Variants in NOS1 observed in about 807,000 individuals in gnomAD.
The protein encoded by NOS1 is NOS type I.
A neutral mutation model predicts 164.5 loss-of-function variants in NOS1; 51 were observed. The observed-to-expected ratio is 0.31, with a 90% confidence interval of 0.25 to 0.39. The LOEUF (loss-of-function observed/expected upper bound fraction) is 0.39. Ranked by LOEUF, NOS1 falls within the 10% of genes least tolerant of loss-of-function variation. The probability of loss-of-function intolerance (pLI) is 1.00; values close to 1 mark genes in which losing one functional copy is unlikely to be tolerated. For synonymous variants in NOS1, 719 were observed against 745.8 expected (o/e 0.96, Z 0.59); for missense variants, 1,362 against 1,885.6 (o/e 0.72, Z 5.14).
chr12:117,348,613 C>T (rs189366325), intron 1 of NOS1, among the ~76,000 whole-genome samples: 37 of 152,306 alleles, frequency 2.4e-4, no homozygotes, highest in African/African-American at 7.5e-4. Flanking sequence ...CTAATATCCA[C>T]GAAATCGTCG....
At chr12:117,348,753 A>G (rs1876478481) in intron 1 of NOS1, among the ~76,000 whole-genome samples, 1 of 152,222 alleles carries the variant, frequency 6.6e-6, no homozygotes, top group Non-Finnish European at 1.5e-5. Context: ...GTGGCACTGT[A>G]ACTGACCAGT....
At position 117,218,239 on chromosome 12, in the gene NOS1, A is replaced by G. The variant is rs564326581; in HGVS notation, c.4171-75T>C. 3.3e-5 allele frequency: 35 copies of G among 1,051,308 alleles called. No homozygotes were observed. In the African/African-American group the frequency reaches 4.8e-4, roughly 15 times the overall value. 65.1% of individuals were successfully genotyped at this position (1,051,308 alleles called of 1,614,324 possible). A position where few individuals can be genotyped will look rare whatever the true frequency, so the allele number is the denominator to read the frequency against. ...CTTGGAGCAGGGGCAGACTTGCCTG[A>G]CACCTGGAATGGAATATCCCTAAGG... On this transcript the variant is annotated intron_variant, in intron 27 of 28. Coordinates refer to ENST00000317775, the MANE Select transcript of NOS1 (RefSeq NM_000620.5).
rs200856589 is a variant in NOS1 at position 117,210,940 on chromosome 12, G to GTTTTA, written c.*4364_*4368dup. 14,562 of 976,878 alleles carry GTTTTA rather than the reference G, an allele frequency of 0.015. 492 individuals are homozygous for GTTTTA. The highest frequency in any genetic ancestry group is 0.12 in the African/African-American group (6,537 of 56,312). The allele number at this position is 976,878 out of a possible 1,614,324, so 60.5% of individuals were successfully genotyped here. A position where few individuals can be genotyped will look rare whatever the true frequency, so the allele number is the denominator to read the frequency against. On this transcript the variant is annotated 3_prime_UTR_variant, in exon 29 of 29. Transcript: ENST00000317775. ...CCTCTCTCTCAGCTAGGGGCAAGATGTTTTATTTTATTTTATTTTATTTTA... is the reference window on the plus strand; with the variant it reads ...CCTCTCTCTCAGCTAGGGGCAAGATGTTTTATTTTATTTTATTTTATTTTATTTTA...
chr12:117,329,332 C>A (rs1488379952), intron 2 of NOS1, among the ~76,000 whole-genome samples: 1 of 151,986 alleles, frequency 6.6e-6, no homozygotes, highest in Non-Finnish European at 1.5e-5. Context: ...TAACCCAGGC[C>A]CCCAGATTGT....
chr12:117,285,116 C>T, intron 7 of NOS1, 125 bp downstream of exon 7: 1 of 402,088 alleles, frequency 2.5e-6, no homozygotes, highest in Non-Finnish European at 4.5e-6. Context: ...ACACCTCTCC[C>T]AGCTTGGCCC....
chr12:117,321,362 A>G (rs1234169453), intron 2 of NOS1, among the ~76,000 whole-genome samples: 2 of 152,166 alleles, frequency 1.3e-5, no homozygotes, highest in Non-Finnish European at 2.9e-5. Flanking sequence ...GCAGAGGTTC[A>G]CCATGGAATT....
At position 117,215,275 on chromosome 12, in the gene NOS1, C is replaced by T; in HGVS notation, c.*34G>A. 6.5e-7 allele frequency: 1 copy of T among 1,542,524 alleles called. No homozygotes were observed. The highest frequency in any genetic ancestry group is 8.7e-7 in the Non-Finnish European group (1 of 1,143,690). ...GTTCAGCAGTGTCTGTCCGCGCTTACAAAACTTGCAGCCGGCTGGGCAAGA... is the reference window on the plus strand; with the variant it reads ...GTTCAGCAGTGTCTGTCCGCGCTTATAAAACTTGCAGCCGGCTGGGCAAGA... On this transcript the variant is annotated 3_prime_UTR_variant, in exon 29 of 29. Coordinates refer to ENST00000317775, the MANE Select transcript of NOS1 (RefSeq NM_000620.5).
At chr12:117,298,379 C>T (rs970877841) in intron 3 of NOS1, among the ~76,000 whole-genome samples, 1 of 152,146 alleles carries the variant, frequency 6.6e-6, no homozygotes, top group African/African-American at 2.4e-5. Flanking sequence ...TGAAGCTTCA[C>T]TTGCTCGCCT....
intron 13 of NOS1, 94 bp downstream of exon 13, chr12:117,263,795 G>C: frequency 1.1e-6 from 1 of 898,586 alleles, no homozygotes; most frequent in Non-Finnish European, 1.8e-6. Context: ...TCTGTAGAGA[G>C]GTCAGAGGGC....
At chr12:117,232,923 A>T (rs144300530) in intron 21 of NOS1, among the ~76,000 whole-genome samples, 1 of 151,758 alleles carries the variant, frequency 6.6e-6, no homozygotes, top group Non-Finnish European at 1.5e-5. Flanking sequence ...AGGCGAGTGC[A>T]GTGGTGCGAT....
intron 10 of NOS1, among the ~76,000 whole-genome samples, chr12:117,268,960 G>C (rs1263639627): frequency 6.6e-6 from 1 of 152,154 alleles, no homozygotes; most frequent in East Asian, 1.9e-4. Flanking sequence ...AATTTAAAAA[G>C]TTAAAATTTT....
intron 9 of NOS1, 98 bp downstream of exon 9, chr12:117,277,861 T>C: frequency 7.2e-7 from 1 of 1,392,530 alleles, no homozygotes; most frequent in Non-Finnish European, 9.8e-7. Flanking sequence ...TCAGCTTCGG[T>C]CTGGACTAGA....
chr12:117,270,493 T>C (rs76543883), intron 10 of NOS1, among the ~76,000 whole-genome samples: 5,864 of 152,002 alleles, frequency 0.039, 340 homozygotes, highest in East Asian at 0.17. Flanking sequence ...AGTAAGAAAT[T>C]TGATGCTGCT....
At position 117,226,773 on chromosome 12, in the gene NOS1, A is replaced by G. The variant is rs1868713982; in HGVS notation, c.3617-3T>C. ...GTGGTGAATTGGTCCTTCTCCATCT[A>G]GTAGAATAACCAAGGCAGTCAGGGC... On this transcript the variant is annotated splice_region_variant and splice_polypyrimidine_tract_variant and intron_variant, in intron 23 of 28. Transcript: ENST00000317775. The G allele has an allele frequency of 6.2e-7, 1 of 1,612,956 alleles. No individual in the cohort carries two copies. The highest frequency in any genetic ancestry group is 8.5e-7 in the Non-Finnish European group (1 of 1,179,172).
intron 13 of NOS1, among the ~76,000 whole-genome samples, chr12:117,263,472 G>C (rs1219900800): frequency 6.6e-6 from 1 of 151,730 alleles, no homozygotes; most frequent in South Asian, 2.1e-4. Flanking sequence ...CCAGCCTGGG[G>C]AACAGACCCT....
intron 22 of NOS1, 45 bp downstream of exon 22, chr12:117,231,916 GA>G (rs774972609): frequency 6.4e-7 from 1 of 1,565,132 alleles, no homozygotes; most frequent in Non-Finnish European, 8.7e-7. Flanking sequence ...TAATGACGAG[GA>G]GGTGAAATGC....
At chr12:117,316,498 C>A (rs1010978600) in intron 2 of NOS1, among the ~76,000 whole-genome samples, 8 of 152,194 alleles carry the variant, frequency 5.3e-5, no homozygotes, top group Non-Finnish European at 1.0e-4. Context: ...GCCTTGACGG[C>A]CCACTTCATG....
chr12:117,229,024 A>G (rs559156458), intron 22 of NOS1, among the ~76,000 whole-genome samples: 24 of 152,122 alleles, frequency 1.6e-4, no homozygotes, highest in African/African-American at 5.3e-4. Context: ...TTCGTGATCC[A>G]CCCACCTCGG....
chr12:117,316,788 C>T (rs547630578), intron 2 of NOS1, among the ~76,000 whole-genome samples: 1 of 152,256 alleles, frequency 6.6e-6, no homozygotes, highest in Admixed American at 6.5e-5. Context: ...CTGAGAAGAA[C>T]CTCAAACTTG....
Sources: gnomAD v4.1 joint callset for allele counts (sites outside exome capture counted in the v4.1 genomes callset) on GRCh38, gnomAD v4.1.1 for gene constraint, MANE v1.5 for transcripts, NCBI Gene and HGNC (gene_info 2026-07-23, HGNC 2026-07-21) for gene names.